The following HFM1 variants were observed in gnomAD, a reference collection of about 807,000 sequenced individuals.
HFM1 encodes the protein probable ATP-dependent DNA helicase HFM1.
HFM1 carries 169 observed loss-of-function variants against 192.1 expected under a neutral mutation model. The observed-to-expected ratio is 0.88, with a 90% confidence interval of 0.78 to 1.00. The LOEUF (loss-of-function observed/expected upper bound fraction) is 1.00, where lower values mean the gene tolerates loss of function less well. HFM1 is among the 50% of genes least tolerant of loss of function. HFM1 has a pLI of 0.00. For missense variants in HFM1, 1,661 were observed against 1,668.0 expected, an observed-to-expected ratio of 1.00 and a Z score of 0.07; for synonymous variants, 525 against 537.8, an observed-to-expected ratio of 0.98 and a Z score of 0.33.
At chr1:91,354,576 G>A (rs1657457177) in intron 13 of HFM1, among the ~76,000 whole-genome samples, 1 of 151,990 alleles carries the variant, frequency 6.6e-6, no homozygotes, top group South Asian at 2.1e-4. Context: ...GACAAAGAGA[G>A]AATTTTAAAA....
intron 13 of HFM1, among the ~76,000 whole-genome samples, chr1:91,372,332 C>A (rs1660332242): frequency 6.6e-6 from 1 of 152,122 alleles, no homozygotes; most frequent in Non-Finnish European, 1.5e-5. Context: ...AGACTTGGAA[C>A]CAACCCAAAT....
chr1:91,285,093 T>C (rs1315070078), intron 30 of HFM1, among the ~76,000 whole-genome samples: 2 of 152,300 alleles, frequency 1.3e-5, no homozygotes, highest in East Asian at 3.9e-4. Flanking sequence ...TCTGCCACCA[T>C]GTAAGACGTG....
chr1:91,293,557 T>C (rs1374756558), intron 30 of HFM1, among the ~76,000 whole-genome samples: 1 of 149,504 alleles, frequency 6.7e-6, no homozygotes, highest in Non-Finnish European at 1.5e-5. Context: ...CAACAGGTGC[T>C]GGAGAGGATG....
chr1:91,285,535 T>G (rs1395582270), intron 30 of HFM1, among the ~76,000 whole-genome samples: 1 of 152,170 alleles, frequency 6.6e-6, no homozygotes, highest in East Asian at 1.9e-4. Flanking sequence ...CTTAATTGTG[T>G]CAGTTACTAA....
chr1:91,340,659 G>A (rs1182806374), intron 20 of HFM1, among the ~76,000 whole-genome samples: 1 of 152,152 alleles, frequency 6.6e-6, no homozygotes, highest in African/African-American at 2.4e-5. Flanking sequence ...AGAGTGACAA[G>A]TTGGATAAAG....
At chr1:91,396,705 T>C (rs915553678) in intron 2 of HFM1, among the ~76,000 whole-genome samples, 1 of 152,198 alleles carries the variant, frequency 6.6e-6, no homozygotes, top group Non-Finnish European at 1.5e-5. Context: ...AAAAACAAAG[T>C]AGTAAATCAT....
At chr1:91,305,514 AT>A (rs1171375487) in intron 30 of HFM1, among the ~76,000 whole-genome samples, 3 of 151,504 alleles carry the variant, frequency 2.0e-5, no homozygotes, top group African/African-American at 7.3e-5. Context: ...AGTCTTTTGG[AT>A]TTTCTCTATA....
chr1:91,378,107 A>G lies in HFM1; in HGVS notation c.1313T>C (p.Val438Ala), dbSNP rs1277889842. The change falls in exon 11 of 39, where the codon GTT becomes GCT. Residue 438 changes from valine (V) to alanine (A), a missense_variant. By Grantham distance (64) the Val-to-Ala change is moderately conservative. Transcript: ENST00000370425. Reference protein sequence around the residue: ...VVSRMKTVQSVSQTLKNTSTA... With the variant: ...VVSRMKTVQSASQTLKNTSTA... ...GCTGGTATTTTTTAAAGTCTGAGAA[A>G]CAGACTGTACAGTTTTCATTCTGCT... is the stretch of plus-strand genomic sequence containing the variant. 1.2e-6 allele frequency: 2 copies of G among 1,609,460 alleles called. No individual in the cohort carries two copies. The highest frequency in any genetic ancestry group is 1.1e-5 in the South Asian group (1 of 90,826).
chr1:91,381,857 T>TA (rs1557498776), intron 6 of HFM1, among the ~76,000 whole-genome samples: 1 of 152,192 alleles, frequency 6.6e-6, no homozygotes, highest in African/African-American at 2.4e-5. Context: ...TTTATAAAGA[T>TA]ATACAAGAAC....
intron 30 of HFM1, among the ~76,000 whole-genome samples, chr1:91,303,825 T>C (rs901867919): frequency 2.0e-5 from 3 of 152,186 alleles, no homozygotes; most frequent in African/African-American, 7.2e-5. Context: ...AAAATGTCTA[T>C]GCAGATCCCT....
At chr1:91,376,185 A>G (rs955296382) in intron 11 of HFM1, among the ~76,000 whole-genome samples, 17 of 152,036 alleles carry the variant, frequency 1.1e-4, no homozygotes, top group Admixed American at 1.1e-3. Context: ...GTTTTTAAGC[A>G]AACAACAAAC....
chr1:91,340,297 AC>A (rs568556486), intron 20 of HFM1, among the ~76,000 whole-genome samples: 41 of 152,322 alleles, frequency 2.7e-4, no homozygotes, highest in African/African-American at 9.6e-4. Context: ...GGCACAAGCC[AC>A]TGTGCCCAGC....
At chr1:91,368,328 T>C (rs1372830620) in intron 13 of HFM1, among the ~76,000 whole-genome samples, 10 of 152,100 alleles carry the variant, frequency 6.6e-5, no homozygotes, top group Non-Finnish European at 1.5e-4. Context: ...AAGGAAAAAA[T>C]GTTAAGAGTA....
At chr1:91,384,394 A>G (rs1370235825) in intron 6 of HFM1, among the ~76,000 whole-genome samples, 1 of 152,204 alleles carries the variant, frequency 6.6e-6, no homozygotes, top group Non-Finnish European at 1.5e-5. Flanking sequence ...TACCTCCAGA[A>G]CACACAAACA....
chr1:91,358,010 C>T (rs1332625965), intron 13 of HFM1, among the ~76,000 whole-genome samples: 4 of 152,088 alleles, frequency 2.6e-5, no homozygotes, highest in Non-Finnish European at 5.9e-5. Context: ...GTTAAAATGT[C>T]CATACTACCC....
chr1:91,276,097 C>A (rs572559404), intron 32 of HFM1, among the ~76,000 whole-genome samples: 1 of 152,208 alleles, frequency 6.6e-6, no homozygotes, highest in Admixed American at 6.5e-5. Flanking sequence ...TACCTCTGGA[C>A]CTTTGTATAA....
At chr1:91,388,807 T>TCC (rs1662565791) in intron 4 of HFM1, among the ~76,000 whole-genome samples, 1 of 152,082 alleles carries the variant, frequency 6.6e-6, no homozygotes, top group Admixed American at 6.6e-5. Flanking sequence ...AACTGGACTC[T>TCC]ATCAAAATTT....
chr1:91,277,692 C>G (rs1250246973), intron 30 of HFM1, among the ~76,000 whole-genome samples: 1 of 121,642 alleles, frequency 8.2e-6, no homozygotes, highest in Non-Finnish European at 1.6e-5. Flanking sequence ...ATAATATATA[C>G]TAATATATAT....
intron 23 of HFM1, among the ~76,000 whole-genome samples, chr1:91,321,990 C>T (rs185936841): frequency 7.2e-5 from 11 of 152,120 alleles, no homozygotes; most frequent in African/African-American, 1.9e-4. Flanking sequence ...ATAACCTTGG[C>T]GAAGTCATAA....
Sources: gnomAD v4.1 joint callset for allele counts (sites outside exome capture counted in the v4.1 genomes callset) on GRCh38, gnomAD v4.1.1 for gene constraint, MANE v1.5 for transcripts, NCBI Gene and HGNC (gene_info 2026-07-23, HGNC 2026-07-21) for gene names.